The following KCNK5 variants were observed in gnomAD, a reference collection of about 807,000 sequenced individuals.
KCNK5 encodes the protein potassium channel subfamily K member 5.
Under a neutral mutation model 32.9 loss-of-function variants are expected in KCNK5, and 18 were observed. The ratio of observed to expected loss-of-function variants is 0.55; its 90% CI spans 0.38 to 0.81. The LOEUF (loss-of-function observed/expected upper bound fraction) is 0.81. Among genes scored for constraint, KCNK5 ranks in the 30% least tolerant of loss-of-function variants. The probability of loss-of-function intolerance (pLI) is 0.00; values close to 1 mark genes in which losing one functional copy is unlikely to be tolerated. For missense variants in KCNK5, 507 were observed against 651.0 expected (o/e 0.78, Z 2.41); for synonymous variants, 276 against 275.3 (o/e 1.00, Z -0.03).
rs1350770246 is a variant in KCNK5, at chr6:39,191,577, TG to T, written c.812del (p.Pro271HisfsTer9). 6.2e-7 allele frequency: 1 copy of T among 1,613,838 alleles called. No individual in the cohort carries two copies. The highest frequency in any genetic ancestry group is 1.3e-5 in the African/African-American group (1 of 74,888). Reference protein sequence around the residue: ...RRRKESFESSPHSRKALQVKG... With the variant: ...RRRKESFESSXHSRKALQVKG... ...TCACCTGCAGGGCCTTCCGGGAGTG[TG>T]GGGAGCTCTCAAAGGACTCCTTCCG... On this transcript the variant is annotated frameshift_variant, in exon 5 of 5. Coordinates refer to ENST00000359534, the MANE Select transcript of KCNK5 (RefSeq NM_003740.4). LOFTEE classifies it high-confidence loss of function. This position sits in a 1 kb window ranked among gnomAD's most constrained non-coding sequence, Gnocchi z 5.8.
In KCNK5 at chr6:39,194,879, TTAAG is replaced by T; in HGVS notation, c.299-123_299-120del. The T allele has an allele frequency of 1.2e-6, 1 of 810,062 alleles. No individual in the cohort carries two copies. The highest frequency in any genetic ancestry group is 2.0e-6 in the Non-Finnish European group (1 of 496,544). The allele number at this position is 810,062 out of a possible 1,614,324, so 50.2% of individuals were successfully genotyped here. A position where few individuals can be genotyped will look rare whatever the true frequency, so the allele number is the denominator to read the frequency against. On this transcript the variant is annotated intron_variant, in intron 2 of 4. Coordinates refer to ENST00000359534, the MANE Select transcript of KCNK5 (RefSeq NM_003740.4). This position sits in a 1 kb window ranked among gnomAD's most constrained non-coding sequence, Gnocchi z 4.7. ...ATTGATATTGATCTATTGTCAGTAC[TTAAG>T]TAATGATATTTCCCTTGATCATACT...
chr6:39,192,121 C>T (rs1428320316), intron 4 of KCNK5, among the ~76,000 whole-genome samples: 1 of 151,766 alleles, frequency 6.6e-6, no homozygotes, highest in East Asian at 1.9e-4. Flanking sequence ...TGGTAAAACC[C>T]CAGCTCCACT....
intron 1 of KCNK5, among the ~76,000 whole-genome samples, chr6:39,202,140 C>T (rs1421968899): frequency 2.0e-5 from 3 of 152,186 alleles, no homozygotes; most frequent in Non-Finnish European, 4.4e-5. Context: ...GCCTAGCACA[C>T]AGTAGCTATT....
At chr6:39,215,069 C>T (rs1283515192) in intron 1 of KCNK5, among the ~76,000 whole-genome samples, 1 of 152,266 alleles carries the variant, frequency 6.6e-6, no homozygotes, top group East Asian at 1.9e-4. Flanking sequence ...CAGAGCTGGC[C>T]CAGGACTCAG....
intron 1 of KCNK5, among the ~76,000 whole-genome samples, chr6:39,218,003 C>T (rs1023658290): frequency 2.0e-5 from 3 of 151,016 alleles, no homozygotes; most frequent in African/African-American, 7.3e-5. Context: ...TCAGGTAGGT[C>T]AGTTTAGTGT....
At chr6:39,223,600 T>C (rs1771599625) in intron 1 of KCNK5, among the ~76,000 whole-genome samples, 1 of 152,212 alleles carries the variant, frequency 6.6e-6, no homozygotes. Context: ...ACCATGCAAA[T>C]ACAGCATCCC....
At chr6:39,225,933 G>A (rs866069364) in intron 1 of KCNK5, among the ~76,000 whole-genome samples, 2 of 152,202 alleles carry the variant, frequency 1.3e-5, no homozygotes, top group African/African-American at 2.4e-5. Context: ...AGGCAGGTAG[G>A]TAAAGCTGCC....
intron 1 of KCNK5, among the ~76,000 whole-genome samples, chr6:39,219,983 A>G (rs1400724820): frequency 6.6e-6 from 1 of 152,254 alleles, no homozygotes; most frequent in African/African-American, 2.4e-5. Context: ...TACAGGTAAA[A>G]GTAGAACACA....
At chr6:39,217,236 A>G (rs1433627783) in intron 1 of KCNK5, among the ~76,000 whole-genome samples, 2 of 151,542 alleles carry the variant, frequency 1.3e-5, no homozygotes, top group African/African-American at 4.8e-5. Context: ...TCCTGTCTGT[A>G]GTGTGGCTGA....
intron 2 of KCNK5, among the ~76,000 whole-genome samples, chr6:39,195,262 T>C (rs558289003): frequency 1.6e-4 from 25 of 152,356 alleles, no homozygotes; most frequent in Non-Finnish European, 2.8e-4. Context: ...AGCCTGCTGC[T>C]TTTCGCCTTG....
rs191760994 is a variant in KCNK5 at position 39,223,916 on chromosome 6, C to T, written c.186+5010G>A. ...ATCACCTCCTTTGCATCCCCCACCC[C>T]CACTGGAAACTTTCAACACTTGCTA... On this transcript the variant is annotated intron_variant, in intron 1 of 4. Transcript: ENST00000359534. Among the ~76,000 whole-genome samples, 11 of 152,300 alleles carry T rather than the reference C, an allele frequency of 7.2e-5. No homozygotes were observed. In the East Asian group the frequency reaches 1.3e-3, roughly 19 times the overall value.
chr6:39,229,441 A>C lies in KCNK5; in HGVS notation c.-330T>G. The C allele has an allele frequency of 3.6e-6, 1 of 275,400 alleles. No individual in the cohort carries two copies. Among genetic ancestry groups the C allele is most frequent in the African/African-American group, 2.2e-5 (1 of 45,500 alleles). 17.1% of individuals were successfully genotyped at this position (275,400 alleles called of 1,614,324 possible). Reference sequence around the variant, plus strand: ...GGGCAGACACGTGGGCCGCTTCTCCACGCGTCGCTCCTCCGCGCGCCACTA... The same window carrying C: ...GGGCAGACACGTGGGCCGCTTCTCCCCGCGTCGCTCCTCCGCGCGCCACTA... On this transcript the variant is annotated 5_prime_UTR_variant, in exon 1 of 5. Transcript: ENST00000359534.
Position 39,191,783 on chromosome 6 carries a change from G to A in KCNK5, c.635-28C>T, listed in dbSNP as rs777228499. 1.3e-6 allele frequency: 2 copies of A among 1,595,930 alleles called. No individual in the cohort carries two copies. Among genetic ancestry groups the A allele is most frequent in the African/African-American group, 1.3e-5 (1 of 74,348 alleles). On this transcript the variant is annotated intron_variant, in intron 4 of 4. Coordinates refer to ENST00000359534, the MANE Select transcript of KCNK5 (RefSeq NM_003740.4). This position sits in a 1 kb window ranked among gnomAD's most constrained non-coding sequence, Gnocchi z 5.8. ...GAGCGGACAGGCAGTCCAGAGGTCA[G>A]GAAGAGTTAGCAGGGCCCGGGAAAT...
rs116036512 is a variant in KCNK5 at position 39,229,341 on chromosome 6, G to A, written c.-230C>T. ...CCCACTCACGCGGCCCGGGGTGGGC[G>A]AACACCAGCGGGGCTGAAAGGGCGC... On this transcript the variant is annotated 5_prime_UTR_variant, in exon 1 of 5. Transcript: ENST00000359534. 2,955 of 578,366 alleles carry A rather than the reference G, an allele frequency of 5.1e-3. 57 individuals are homozygous for A. The highest frequency in any genetic ancestry group is 0.047 in the African/African-American group (2,526 of 53,468). The allele number at this position is 578,366 out of a possible 1,614,324, so 35.8% of individuals were successfully genotyped here.
intron 1 of KCNK5, among the ~76,000 whole-genome samples, chr6:39,210,426 T>C (rs1771314226): frequency 6.6e-6 from 1 of 152,198 alleles, no homozygotes; most frequent in Non-Finnish European, 1.5e-5. Context: ...CCCTGGGCCA[T>C]GCCCCTCTTT....
At chr6:39,221,591 C>T (rs1156921354) in intron 1 of KCNK5, among the ~76,000 whole-genome samples, 1 of 152,176 alleles carries the variant, frequency 6.6e-6, no homozygotes, top group Non-Finnish European at 1.5e-5. Context: ...TCCAAGCCTG[C>T]CTTCTTCTAA....
intron 1 of KCNK5, among the ~76,000 whole-genome samples, chr6:39,211,212 C>A (rs1346217041): frequency 6.6e-6 from 1 of 152,124 alleles, no homozygotes; most frequent in African/African-American, 2.4e-5. Flanking sequence ...AGTGGGGAGG[C>A]TGGGCTGGAG....
chr6:39,209,804 A>T (rs1356542295), intron 1 of KCNK5, among the ~76,000 whole-genome samples: 1 of 152,186 alleles, frequency 6.6e-6, no homozygotes, highest in Non-Finnish European at 1.5e-5. Context: ...GAGTGAAAGA[A>T]CATTTGACAG....
At chr6:39,220,158 C>T (rs1470290618) in intron 1 of KCNK5, among the ~76,000 whole-genome samples, 1 of 152,148 alleles carries the variant, frequency 6.6e-6, no homozygotes, top group Non-Finnish European at 1.5e-5. Context: ...GAGACTACAC[C>T]GTTGAACAAA....
Sources: gnomAD v4.1 joint callset for allele counts (sites outside exome capture counted in the v4.1 genomes callset) on GRCh38, gnomAD v4.1.1 for gene constraint, Gnocchi (gnomAD v3.1) non-coding constraint, MANE v1.5 for transcripts, NCBI Gene and HGNC (gene_info 2026-07-23, HGNC 2026-07-21) for gene names.